TGM6: variants seen among roughly 807,000 people sequenced by gnomAD.
TGM6 encodes the protein transglutaminase 6, also known as protein-glutamine gamma-glutamyltransferase 6.
In TGM6, 74 loss-of-function variants were observed where a neutral mutation model predicts 77.5. That is an observed-to-expected ratio of 0.96 (90% CI 0.79 to 1.16). The LOEUF (loss-of-function observed/expected upper bound fraction) is 1.16, where lower values mean the gene tolerates loss of function less well. TGM6 is among the 50% of genes most tolerant of loss of function. TGM6 has a pLI of 0.00. For synonymous variants in TGM6, 383 were observed against 378.9 expected, an observed-to-expected ratio of 1.01 and a Z score of -0.12; for missense variants, 968 against 940.2, an observed-to-expected ratio of 1.03 and a Z score of -0.39.
chr20:2,427,640 G>A (rs965127906), intron 10 of TGM6, among the ~76,000 whole-genome samples: 2 of 151,984 alleles, frequency 1.3e-5, no homozygotes, highest in Non-Finnish European at 2.9e-5. Flanking sequence ...TTAGATTATT[G>A]GATTTAGATC....
At chr20:2,409,638 G>T (rs765171500) in intron 9 of TGM6, among the ~76,000 whole-genome samples, 2 of 151,940 alleles carry the variant, frequency 1.3e-5, no homozygotes, top group Non-Finnish European at 2.9e-5. Flanking sequence ...CCTGAACCTG[G>T]GAGGCGGAGG....
chr20:2,396,493 G>A lies in TGM6; in HGVS notation c.425-13G>A. ...AGCCCCAGTCCACACCGGGCCTGAT[G>A]ACTGCTTTTCAGAGGACGATGTGTT... On this transcript the variant is annotated splice_polypyrimidine_tract_variant and intron_variant, in intron 3 of 12. Coordinates refer to ENST00000202625, the MANE Select transcript of TGM6 (RefSeq NM_198994.3). 2 of 1,613,904 alleles carry A rather than the reference G, an allele frequency of 1.2e-6. No individual in the cohort carries two copies. Among genetic ancestry groups the A allele is most frequent in the Non-Finnish European group, 1.7e-6 (2 of 1,179,766 alleles).
Position 2,403,380 on chromosome 20 carries a change from TC to T in TGM6, c.990-15del. The T allele has an allele frequency of 6.2e-7, 1 of 1,613,956 alleles. No homozygotes were observed. Among genetic ancestry groups the T allele is most frequent in the East Asian group, 2.2e-5 (1 of 44,864 alleles). ...CCCTCACTCTAGGCAGCTTCACCCA[TC>T]CTCTCTCTGTGGCAGGAATTTCCAT... is the stretch of plus-strand genomic sequence containing the variant. On this transcript the variant is annotated splice_polypyrimidine_tract_variant and intron_variant, in intron 7 of 12. Transcript: ENST00000202625.
Position 2,400,461 on chromosome 20 carries a change from G to A in TGM6, c.989+17G>A, listed in dbSNP as rs764842698. 6.2e-7 allele frequency: 1 copy of A among 1,613,982 alleles called. No homozygotes were observed. The highest frequency in any genetic ancestry group is 1.7e-5 in the Admixed American group (1 of 60,020). ...CAGCATGTGGTGGGTCCTGCCCCCAGCCTAGGCCCGAGGGCTCTGGAAGCC... is the reference window on the plus strand; with the variant it reads ...CAGCATGTGGTGGGTCCTGCCCCCAACCTAGGCCCGAGGGCTCTGGAAGCC... On this transcript the variant is annotated intron_variant, in intron 7 of 12. Transcript: ENST00000202625.
At chr20:2,392,722 C>A (rs576953210) in intron 1 of TGM6, among the ~76,000 whole-genome samples, 2 of 152,192 alleles carry the variant, frequency 1.3e-5, no homozygotes, top group East Asian at 1.9e-4. Context: ...GGCAACATGG[C>A]GAAACCTGGT....
At chr20:2,407,753 A>G (rs1486212884) in intron 9 of TGM6, among the ~76,000 whole-genome samples, 3 of 152,236 alleles carry the variant, frequency 2.0e-5, no homozygotes, top group East Asian at 3.8e-4. Flanking sequence ...CCTCCCTGCT[A>G]TGCTAGACTG....
chr20:2,396,105 A>G (rs868710982), intron 3 of TGM6, among the ~76,000 whole-genome samples: 2 of 151,384 alleles, frequency 1.3e-5, no homozygotes, highest in South Asian at 2.1e-4. Context: ...ACTTGAACCC[A>G]GGAGGTGGAG....
At position 2,432,601 on chromosome 20, in the gene TGM6, C is replaced by G. The variant is rs61748828; in HGVS notation, c.2079C>G (p.Asp693Glu). ...ACCTTGTAAGCCCTCACTTCCCGGA[C>G]ATCAAGGGCTTTGTGATCGTCCATG... The part of the protein sequence containing the change: ...QVDLVSPHFP[D>E]IKGFVIVHVA... Residue 693 changes from aspartate (D) to glutamate (E), a missense_variant, in exon 13 of 13, where the codon GAC (aspartate) becomes GAG (glutamate). Physicochemically the swap from Asp to Glu is conservative, Grantham distance 45 (BLOSUM62 2). Transcript: ENST00000202625. 1 of 1,614,016 alleles carries G rather than the reference C, an allele frequency of 6.2e-7. No individual in the cohort carries two copies. The highest frequency in any genetic ancestry group is 8.5e-7 in the Non-Finnish European group (1 of 1,180,032).
At chr20:2,401,658 G>T (rs771253314) in intron 7 of TGM6, among the ~76,000 whole-genome samples, 34 of 152,182 alleles carry the variant, frequency 2.2e-4, no homozygotes, top group Admixed American at 1.2e-3. Flanking sequence ...AATAAGTTAA[G>T]ATCATTGATT....
At chr20:2,386,477 G>A (rs1294860522) in intron 1 of TGM6, among the ~76,000 whole-genome samples, 1 of 152,114 alleles carries the variant, frequency 6.6e-6, no homozygotes, top group Non-Finnish European at 1.5e-5. Flanking sequence ...TGTTCTATGG[G>A]GTTAATGGGG....
intron 1 of TGM6, among the ~76,000 whole-genome samples, chr20:2,381,833 G>A (rs533896647): frequency 1.3e-5 from 2 of 152,170 alleles, no homozygotes; most frequent in Non-Finnish European, 2.9e-5. Context: ...TGAGAGGATC[G>A]CTTGAGCTTA....
chr20:2,397,904 T>TC lies in TGM6; in HGVS notation c.544-13dup. On this transcript the variant is annotated splice_polypyrimidine_tract_variant and intron_variant, in intron 4 of 12. Coordinates refer to ENST00000202625, the MANE Select transcript of TGM6 (RefSeq NM_198994.3). ...CTGAACGCAGCCTCTAAGCACAGCCTCTCTGGGGAGCAGTTTGAGGAGGAC... is the reference window on the plus strand; with the variant it reads ...CTGAACGCAGCCTCTAAGCACAGCCTCCTCTGGGGAGCAGTTTGAGGAGGAC... 6.2e-7 allele frequency: 1 copy of TC among 1,614,076 alleles called. No individual in the cohort carries two copies. The highest frequency in any genetic ancestry group is 1.1e-5 in the South Asian group (1 of 91,072).
Position 2,432,477 on chromosome 20 carries a change from C to T in TGM6, c.1968-13C>T, listed in dbSNP as rs1483761649. 6.2e-7 allele frequency: 1 copy of T among 1,613,486 alleles called. No homozygotes were observed. Among genetic ancestry groups the T allele is most frequent in the Non-Finnish European group, 8.5e-7 (1 of 1,179,826 alleles). On this transcript the variant is annotated splice_polypyrimidine_tract_variant and intron_variant, in intron 12 of 12. Coordinates refer to ENST00000202625, the MANE Select transcript of TGM6 (RefSeq NM_198994.3). ...GACTGACAGTCTGCCTTTCTCCCCT[C>T]CCCTTCCTCCAGCGTGCCTACCCTG...
chr20:2,432,678 C>G lies in TGM6; in HGVS notation c.*35C>G. The stretch of plus-strand genomic sequence containing the variant: ...AGGGACTGAGAGGGGTGGATTTGGC[C>G]CCTGTCCTCCTCCTGCCCATTCTTT... On this transcript the variant is annotated 3_prime_UTR_variant, in exon 13 of 13. Coordinates refer to ENST00000202625, the MANE Select transcript of TGM6 (RefSeq NM_198994.3). 6.2e-7 allele frequency: 1 copy of G among 1,613,902 alleles called. No individual in the cohort carries two copies.
rs1280389172 is a variant in TGM6, at chr20:2,431,041, T to TG, written c.1967+20dup. 6.2e-7 allele frequency: 1 copy of TG among 1,612,616 alleles called. No homozygotes were observed. The highest frequency in any genetic ancestry group is 8.5e-7 in the Non-Finnish European group (1 of 1,179,398). On this transcript the variant is annotated intron_variant, in intron 12 of 12. Transcript: ENST00000202625. ...GCTCAGCATCGAGTAAGTGCCAGCC[T>TG]GGGGGGCTGGCAGGGAATGGGGCTC...
In TGM6 at chr20:2,396,520, C is replaced by T; in HGVS notation, c.439C>T (p.Leu147=). ...CTGCTTTTCAGAGGACGATGTGTTTCTGGCCTCAGAGGAGGAGAGACAGGA... is the reference window on the plus strand; with the variant it reads ...CTGCTTTTCAGAGGACGATGTGTTTTTGGCCTCAGAGGAGGAGAGACAGGA... ...NPWCAEDDVF[L]ASEEERQEYV... is the part of the protein sequence containing the mutation. The change falls in exon 4 of 13, where the codon CTG becomes TTG. Residue 147 remains leucine (L), a synonymous_variant. Coordinates refer to ENST00000202625, the MANE Select transcript of TGM6 (RefSeq NM_198994.3). 1 of 1,614,198 alleles carries T rather than the reference C, an allele frequency of 6.2e-7. No individual in the cohort carries two copies.
chr20:2,381,108 T>C (rs1430099830), intron 1 of TGM6, 133 bp downstream of exon 1: 15 of 1,329,108 alleles, frequency 1.1e-5, no homozygotes, highest in Non-Finnish European at 1.6e-5. Flanking sequence ...CATGAACACA[T>C]GAACTCTTCG....
At chr20:2,411,140 C>CA (rs1568664418) in intron 9 of TGM6, among the ~76,000 whole-genome samples, 1 of 151,990 alleles carries the variant, frequency 6.6e-6, no homozygotes, top group Non-Finnish European at 1.5e-5. Flanking sequence ...ATCCTGATAC[C>CA]AAAACCAGAT....
intron 7 of TGM6, 149 bp downstream of exon 7, chr20:2,400,593 C>T: frequency 8.7e-7 from 1 of 1,144,498 alleles, no homozygotes; most frequent in Non-Finnish European, 1.2e-6. Context: ...TGAGAGGCGC[C>T]CTGCGGATAG....
Sources: gnomAD v4.1 joint callset for allele counts (sites outside exome capture counted in the v4.1 genomes callset) on GRCh38, gnomAD v4.1.1 for gene constraint, MANE v1.5 for transcripts, NCBI Gene and HGNC (gene_info 2026-07-23, HGNC 2026-07-21) for gene names.